PCDH15: variants seen among roughly 807,000 people sequenced by gnomAD.
The protein encoded by PCDH15 is protocadherin related 15.
A neutral mutation model predicts 178.5 loss-of-function variants in PCDH15; 129 were observed. That is an observed-to-expected ratio of 0.72 (90% CI 0.63 to 0.84). PCDH15 has a LOEUF of 0.84. Ranked by LOEUF, PCDH15 falls within the 40% of genes least tolerant of loss-of-function variation. PCDH15 has a pLI of 0.00. For synonymous variants in PCDH15, 800 were observed against 732.0 expected, an observed-to-expected ratio of 1.09 and a Z score of -1.50; for missense variants, 2,230 against 2,099.9, an observed-to-expected ratio of 1.06 and a Z score of -1.21.
intron 2 of PCDH15, among the ~76,000 whole-genome samples, chr10:54,952,626 A>G (rs1380451690): frequency 6.6e-6 from 1 of 151,788 alleles, no homozygotes; most frequent in Non-Finnish European, 1.5e-5. Context: ...TCATCAATAT[A>G]CATAGAATAT....
chr10:53,822,247 AAGGAATAGAAGGAGGTGGTGGAGGAAG>A, intron 32 of PCDH15: 1 of 1,613,868 alleles, frequency 6.2e-7, no homozygotes, highest in Non-Finnish European at 8.5e-7. Flanking sequence ...GGTGGAGGGC[AAGGAATAGAAGGAGGTGGTGGAGGAAG>A]AGGAGTTGGA....
chr10:54,347,189 C>T (rs1943436156), intron 5 of PCDH15, among the ~76,000 whole-genome samples: 1 of 151,926 alleles, frequency 6.6e-6, no homozygotes, highest in Non-Finnish European at 1.5e-5. Flanking sequence ...TTTTTTTTTA[C>T]CTGTAGGTTT....
chr10:54,024,145 G>A (rs1430374408), intron 18 of PCDH15, among the ~76,000 whole-genome samples: 1 of 152,070 alleles, frequency 6.6e-6, no homozygotes, highest in Admixed American at 6.6e-5. Context: ...AGAAAATATT[G>A]AGTAAATATT....
intron 1 of PCDH15, among the ~76,000 whole-genome samples, chr10:55,315,054 C>T (rs1363035886): frequency 6.6e-6 from 1 of 152,018 alleles, no homozygotes; most frequent in African/African-American, 2.4e-5. Flanking sequence ...TGGTGTTCTA[C>T]TTAAAGATCA....
chr10:53,825,098 T>C (rs771921393), intron 32 of PCDH15: 1 of 1,521,258 alleles, frequency 6.6e-7, no homozygotes, highest in East Asian at 2.5e-5. Context: ...TATCTATTTT[T>C]CTAACGCTCT....
At chr10:55,053,912 C>CT (rs1841227492) in intron 2 of PCDH15, among the ~76,000 whole-genome samples, 1 of 152,146 alleles carries the variant, frequency 6.6e-6, no homozygotes, top group Non-Finnish European at 1.5e-5. Context: ...ATTTTATTCC[C>CT]TTAATGGCCA....
intron 1 of PCDH15, among the ~76,000 whole-genome samples, chr10:54,776,522 A>AT (rs1335935373): frequency 6.6e-6 from 1 of 152,014 alleles, no homozygotes; most frequent in Non-Finnish European, 1.5e-5. Flanking sequence ...TAGGGCAATG[A>AT]TTTTCTGCCT....
At chr10:55,017,345 T>G (rs2131950172) in intron 2 of PCDH15, among the ~76,000 whole-genome samples, 1 of 152,298 alleles carries the variant, frequency 6.6e-6, no homozygotes, top group Admixed American at 6.5e-5. Context: ...ACTTATATGA[T>G]AATACTAATG....
chr10:55,504,637 T>A (rs2132143786), intron 2 of PCDH15, among the ~76,000 whole-genome samples: 1 of 151,312 alleles, frequency 6.6e-6, no homozygotes, highest in East Asian at 2.0e-4. Flanking sequence ...AGAAAAAAAT[T>A]CACCCAAATA....
At chr10:55,520,045 C>CATAT (rs1251130319) in intron 2 of PCDH15, among the ~76,000 whole-genome samples, 3 of 140,182 alleles carry the variant, frequency 2.1e-5, no homozygotes, top group African/African-American at 7.9e-5. Flanking sequence ...CATATATATA[C>CATAT]ATATATATAT....
chr10:55,003,028 T>C (rs933775364), intron 2 of PCDH15, among the ~76,000 whole-genome samples: 14 of 152,202 alleles, frequency 9.2e-5, no homozygotes, highest in African/African-American at 2.9e-4. Context: ...TTAATATGTG[T>C]TCCAGGATTG....
chr10:54,041,242 C>A (rs916876090), intron 18 of PCDH15, among the ~76,000 whole-genome samples: 1 of 152,024 alleles, frequency 6.6e-6, no homozygotes, highest in African/African-American at 2.4e-5. Flanking sequence ...TAAATGTTAA[C>A]TAAATTTAAA....
At chr10:54,121,372 T>C (rs946647118) in intron 15 of PCDH15, among the ~76,000 whole-genome samples, 1 of 152,108 alleles carries the variant, frequency 6.6e-6, no homozygotes, top group Admixed American at 6.6e-5. Flanking sequence ...TCTAACATTA[T>C]ACTAGAGGAA....
At chr10:55,615,364 T>C (rs1232525314) in intron 2 of PCDH15, among the ~76,000 whole-genome samples, 1 of 152,176 alleles carries the variant, frequency 6.6e-6, no homozygotes, top group Non-Finnish European at 1.5e-5. Context: ...AAAATGTCAT[T>C]AAATCATTTC....
chr10:54,844,584 G>A (rs549816053), intron 3 of PCDH15, among the ~76,000 whole-genome samples: 20 of 151,674 alleles, frequency 1.3e-4, no homozygotes, highest in South Asian at 1.2e-3. Flanking sequence ...TTCTTCACTC[G>A]TGATTTGGTG....
rs1464186929 is a variant in PCDH15, at chr10:54,622,717, A to T, written c.91+41455T>A. Among the ~76,000 whole-genome samples, 16 of 31,854 alleles carry T rather than the reference A, an allele frequency of 5.0e-4. 1 individual carries two copies. The highest frequency in any genetic ancestry group is 1.8e-3 in the African/African-American group (16 of 8,706). 20.9% of individuals were successfully genotyped at this position (31,854 alleles called of 152,430 possible). ...TATATATTTTCTATATATTATATAT[A>T]ATATATATTATATAATTATATATAT... On this transcript the variant is annotated intron_variant, in intron 2 of 37. Transcript: ENST00000644397.
chr10:53,861,825 A>G (rs1010334871), intron 27 of PCDH15, among the ~76,000 whole-genome samples: 1 of 152,082 alleles, frequency 6.6e-6, no homozygotes, highest in Admixed American at 6.6e-5. Flanking sequence ...AGCATATTGG[A>G]CAACCCAACT....
chr10:54,353,646 T>G (rs1944506239), intron 5 of PCDH15, among the ~76,000 whole-genome samples: 1 of 147,748 alleles, frequency 6.8e-6, no homozygotes, highest in Admixed American at 6.7e-5. Context: ...TTTGCTCAAC[T>G]TAATGTTTTT....
chr10:54,300,496 T>C (rs766442807), intron 8 of PCDH15, among the ~76,000 whole-genome samples: 5 of 152,020 alleles, frequency 3.3e-5, no homozygotes, highest in Non-Finnish European at 5.9e-5. Flanking sequence ...GCCGAAAGAG[T>C]TCCCCTCTGG....
Sources: allele counts gnomAD v4.1 joint callset (sites outside exome capture counted in the v4.1 genomes callset), GRCh38; gene constraint gnomAD v4.1.1; transcripts MANE v1.5; gene names NCBI Gene and HGNC (gene_info 2026-07-23, HGNC 2026-07-21).